ANXA13: variants seen among roughly 807,000 people sequenced by gnomAD.
ANXA13 encodes annexin XIII.
In ANXA13, 36 loss-of-function variants were observed where a neutral mutation model predicts 46.6. The ratio of observed to expected loss-of-function variants is 0.77; its 90% CI spans 0.59 to 1.02. ANXA13 has a LOEUF of 1.02. Among genes scored for constraint, ANXA13 ranks in the 50% least tolerant of loss-of-function variants. ANXA13 has a pLI of 0.00. For synonymous variants in ANXA13, 163 were observed against 152.9 expected (o/e 1.07, Z -0.49); for missense variants, 417 against 396.5 (o/e 1.05, Z -0.44).
At chr8:123,692,058 C>A (rs1482156573) in intron 8 of ANXA13, among the ~76,000 whole-genome samples, 1 of 152,216 alleles carries the variant, frequency 6.6e-6, no homozygotes, top group Non-Finnish European at 1.5e-5. Flanking sequence ...TTGAAAGGAG[C>A]AGGCCCTAAA....
At chr8:123,686,931 C>T (rs950254891) in intron 9 of ANXA13, among the ~76,000 whole-genome samples, 8 of 152,082 alleles carry the variant, frequency 5.3e-5, no homozygotes, top group Non-Finnish European at 7.4e-5. Context: ...CACTTTTTTT[C>T]GCTACCACTG....
intron 2 of ANXA13, chr8:123,712,151 C>T (rs112118864): frequency 0.17 from 26,082 of 157,388 alleles, 2,433 homozygotes; most frequent in Admixed American, 0.21. Flanking sequence ...ACCGTTCTCA[C>T]GGTAGTGAAT....
intron 2 of ANXA13, among the ~76,000 whole-genome samples, chr8:123,709,625 C>T (rs1399666376): frequency 6.6e-6 from 1 of 152,166 alleles, no homozygotes; most frequent in Non-Finnish European, 1.5e-5. Context: ...GAACACTAGG[C>T]ATAAATGGGT....
chr8:123,704,154 G>A (rs1343756332), intron 2 of ANXA13, among the ~76,000 whole-genome samples: 1 of 152,172 alleles, frequency 6.6e-6, no homozygotes, highest in Non-Finnish European at 1.5e-5. Flanking sequence ...AAATGACCAC[G>A]CGCCTGGCAC....
chr8:123,681,834 C>A (rs923454486), intron 10 of ANXA13, among the ~76,000 whole-genome samples: 1 of 152,008 alleles, frequency 6.6e-6, no homozygotes, highest in Non-Finnish European at 1.5e-5. Context: ...TCATGTTGGC[C>A]AGACTGGTCT....
Position 123,693,306 on chromosome 8 carries a change from G to A in ANXA13, c.541-8C>T, listed in dbSNP as rs374385095. ...CCAGCGGCCTTCCCCTGCCTCAAGG[G>A]TCAAATACAAACACTTTGAAAAAGG... On this transcript the variant is annotated splice_region_variant and splice_polypyrimidine_tract_variant and intron_variant, in intron 7 of 10. Coordinates refer to ENST00000419625, the MANE Select transcript of ANXA13 (RefSeq NM_004306.4). 3.5e-5 allele frequency: 57 copies of A among 1,612,924 alleles called. No individual in the cohort carries two copies. The highest frequency in any genetic ancestry group is 4.6e-5 in the Non-Finnish European group (54 of 1,179,226).
intron 10 of ANXA13, among the ~76,000 whole-genome samples, chr8:123,683,054 T>A (rs1813067210): frequency 6.6e-6 from 1 of 152,070 alleles, no homozygotes; most frequent in Non-Finnish European, 1.5e-5. Flanking sequence ...TCTCAGTGAC[T>A]TTGGCTGGAG....
chr8:123,715,973 T>C (rs1232728815), intron 1 of ANXA13, among the ~76,000 whole-genome samples: 2 of 152,040 alleles, frequency 1.3e-5, no homozygotes, highest in Non-Finnish European at 2.9e-5. Flanking sequence ...ACCTAGTAAA[T>C]AAGTGTCATT....
At chr8:123,724,072 G>A (rs1397904398) in intron 1 of ANXA13, among the ~76,000 whole-genome samples, 1 of 152,180 alleles carries the variant, frequency 6.6e-6, no homozygotes, top group African/African-American at 2.4e-5. Flanking sequence ...ATCTTGAGCT[G>A]AGAATAGTGT....
At chr8:123,729,881 G>T (rs1041015102) in intron 1 of ANXA13, among the ~76,000 whole-genome samples, 1 of 152,084 alleles carries the variant, frequency 6.6e-6, no homozygotes, top group Non-Finnish European at 1.5e-5. Context: ...CTCATACTTC[G>T]CAAAGATATC....
intron 2 of ANXA13, among the ~76,000 whole-genome samples, chr8:123,705,956 G>A (rs1204384343): frequency 6.6e-6 from 1 of 152,154 alleles, no homozygotes; most frequent in Non-Finnish European, 1.5e-5. Flanking sequence ...CCTGAGCAGG[G>A]GTCTGATGTG....
intron 3 of ANXA13, among the ~76,000 whole-genome samples, chr8:123,701,185 C>A (rs1374157094): frequency 6.6e-6 from 1 of 152,082 alleles, no homozygotes; most frequent in Non-Finnish European, 1.5e-5. Flanking sequence ...GATAAAAATT[C>A]AGCTTCAGGC....
Position 123,681,365 on chromosome 8 carries a change from G to GA in ANXA13, c.832-7dup, listed in dbSNP as rs1813034355. ...TTGATCCCCTGAAGGTCCACCTGTAGAAAAAATAACAGCAATGGAGATAAG... is the reference window on the plus strand; with the variant it reads ...TTGATCCCCTGAAGGTCCACCTGTAGAAAAAAATAACAGCAATGGAGATAAG... On this transcript the variant is annotated splice_polypyrimidine_tract_variant and splice_region_variant and intron_variant, in intron 10 of 10. Coordinates refer to ENST00000419625, the MANE Select transcript of ANXA13 (RefSeq NM_004306.4). The GA allele has an allele frequency of 3.1e-6, 5 of 1,610,798 alleles. No individual in the cohort carries two copies. Among genetic ancestry groups the GA allele is most frequent in the Non-Finnish European group, 2.5e-6 (3 of 1,178,816 alleles).
At chr8:123,701,648 G>A (rs1046742410) in intron 3 of ANXA13, among the ~76,000 whole-genome samples, 12 of 152,172 alleles carry the variant, frequency 7.9e-5, no homozygotes, top group African/African-American at 2.7e-4. Flanking sequence ...GCCATTTAGT[G>A]TACAAGCAAA....
Position 123,698,472 on chromosome 8 carries a change from C to T in ANXA13, c.274G>A (p.Ala92Thr), listed in dbSNP as rs190459874. ...ALLDRPSEYA[A>T]RQLQKAMKGL... ...TTCATAGCCTTCTGCAGCTGCCGGG[C>T]GGCGTACTCGCTGGGACGGTCCAGA... The change falls in exon 4 of 11, where the codon GCC becomes ACC. Residue 92 changes from alanine to threonine, a missense_variant. Physicochemically the swap from Ala to Thr is moderately conservative, Grantham distance 58. Transcript: ENST00000419625. 293 of 1,614,170 alleles carry T rather than the reference C, an allele frequency of 1.8e-4. 3 individuals are homozygous for T. In the Admixed American group the frequency reaches 4.4e-3, roughly 24 times the overall value.
intron 1 of ANXA13, among the ~76,000 whole-genome samples, chr8:123,722,384 A>C (rs1280236831): frequency 6.7e-6 from 1 of 149,428 alleles, no homozygotes; most frequent in African/African-American, 2.4e-5. Flanking sequence ...GAAAGAAAGA[A>C]AGAAAGAAAG....
chr8:123,708,085 A>G (rs1813576922), intron 2 of ANXA13, among the ~76,000 whole-genome samples: 1 of 152,080 alleles, frequency 6.6e-6, no homozygotes, highest in South Asian at 2.1e-4. Flanking sequence ...ACATTTCACA[A>G]TATGTGTATC....
At chr8:123,731,082 T>G (rs1300685271) in intron 1 of ANXA13, among the ~76,000 whole-genome samples, 2 of 152,166 alleles carry the variant, frequency 1.3e-5, no homozygotes, top group African/African-American at 4.8e-5. Context: ...TGAGCACATA[T>G]CAGTTTCACG....
At position 123,702,673 on chromosome 8, in the gene ANXA13, A is replaced by G; in HGVS notation, c.155T>C (p.Ile52Thr). The G allele has an allele frequency of 6.2e-7, 1 of 1,614,040 alleles. No individual in the cohort carries two copies. Among genetic ancestry groups the G allele is most frequent in the Non-Finnish European group, 8.5e-7 (1 of 1,180,004 alleles). ...SGRTSDERQQ[I>T]KQKYKATYGK... is the part of the protein sequence containing the mutation. ...GTACGTTGCCTTGTACTTTTGCTTG[A>G]TTTGTTGCCTCTCATCTGATGTCCT... The change falls in exon 3 of 11, where the codon ATC becomes ACC. Residue 52 changes from isoleucine to threonine, a missense_variant. Physicochemically the swap from Ile to Thr is moderately conservative, Grantham distance 89. Transcript: ENST00000419625.
Sources: allele counts gnomAD v4.1 joint callset (sites outside exome capture counted in the v4.1 genomes callset), GRCh38; gene constraint gnomAD v4.1.1; transcripts MANE v1.5; gene names NCBI Gene and HGNC (gene_info 2026-07-23, HGNC 2026-07-21).